UTS2: variants seen among roughly 807,000 people sequenced by gnomAD.
UTS2 encodes the protein urotensin-2.
In UTS2, 10 loss-of-function variants were observed where a neutral mutation model predicts 12.6. The ratio of observed to expected loss-of-function variants is 0.80; its 90% CI spans 0.49 to 1.35. The LOEUF is 1.35. Among genes scored for constraint, UTS2 ranks in the 40% most tolerant of loss-of-function variants. UTS2 has a pLI of 0.00. For missense variants in UTS2, 142 were observed against 143.2 expected, an observed-to-expected ratio of 0.99 and a Z score of 0.04; for synonymous variants, 52 against 50.0, an observed-to-expected ratio of 1.04 and a Z score of -0.17.
chr1:7,860,840 C>T, the UTS2 span, among the ~76,000 whole-genome samples: 2 of 151,878 alleles, frequency 1.3e-5, no homozygotes, highest in Non-Finnish European at 2.9e-5. Flanking sequence ...ATCAGGAGTT[C>T]GAGACCAGCC....
intron 1 of UTS2, among the ~76,000 whole-genome samples, chr1:7,851,742 TA>T (rs1292064077): frequency 6.6e-6 from 1 of 152,180 alleles, no homozygotes; most frequent in East Asian, 1.9e-4. Flanking sequence ...TGAAAATCTA[TA>T]AAATTTCATC....
chr1:7,866,012 T>C, the UTS2 span, among the ~76,000 whole-genome samples: 6 of 152,196 alleles, frequency 3.9e-5, no homozygotes, highest in African/African-American at 1.2e-4. This position sits in a 1 kb window ranked among gnomAD's most constrained non-coding sequence, Gnocchi z 4.5. Flanking sequence ...GGGACAAGTG[T>C]TAGCCCATGA....
the UTS2 span, among the ~76,000 whole-genome samples, chr1:7,866,764 T>C: frequency 5.3e-5 from 8 of 152,164 alleles, no homozygotes; most frequent in Non-Finnish European, 7.4e-5. This position sits in a 1 kb window ranked among gnomAD's most constrained non-coding sequence, Gnocchi z 4.5. Context: ...GGCTGTGACA[T>C]GTCACCCCAT....
the UTS2 span, among the ~76,000 whole-genome samples, chr1:7,864,966 T>C: frequency 1.2e-5 from 1 of 82,772 alleles, no homozygotes; most frequent in Non-Finnish European, 2.8e-5. Context: ...CCCACAGCTG[T>C]CCCTCTGTGT....
the UTS2 span, among the ~76,000 whole-genome samples, chr1:7,884,367 T>C: frequency 3.3e-5 from 5 of 149,722 alleles, no homozygotes; most frequent in African/African-American, 4.9e-5. Flanking sequence ...AGCGGTGTGA[T>C]CATGACTCAC....
At chr1:7,912,211 ATAGT>A in the UTS2 span, among the ~76,000 whole-genome samples, 6 of 136,176 alleles carry the variant, frequency 4.4e-5, no homozygotes, top group South Asian at 2.6e-4. Context: ...AATGGCTAAA[ATAGT>A]TAGCCATTTG....
At chr1:7,902,279 G>C in the UTS2 span, among the ~76,000 whole-genome samples, 1 of 152,150 alleles carries the variant, frequency 6.6e-6, no homozygotes, top group Admixed American at 6.5e-5. Flanking sequence ...TTGTATGGAA[G>C]TTAGAAATTA....
chr1:7,886,043 T>G, the UTS2 span, among the ~76,000 whole-genome samples: 2 of 117,006 alleles, frequency 1.7e-5, no homozygotes, highest in East Asian at 4.1e-4. Context: ...GCACCGCACC[T>G]GTTCCCAGGT....
At chr1:7,868,472 G>A in the UTS2 span, among the ~76,000 whole-genome samples, 29 of 152,326 alleles carry the variant, frequency 1.9e-4, no homozygotes, top group African/African-American at 6.3e-4. Context: ...GTAGCAGGGA[G>A]TGTGGACCTC....
the UTS2 span, among the ~76,000 whole-genome samples, chr1:7,890,305 C>G: frequency 1.3e-5 from 2 of 152,232 alleles, no homozygotes; most frequent in African/African-American, 4.8e-5. Flanking sequence ...ACTTAACTGC[C>G]GTGGGCTAAG....
At chr1:7,890,179 C>T in the UTS2 span, among the ~76,000 whole-genome samples, 52,313 of 151,312 alleles carry the variant, frequency 0.35, 9,479 homozygotes, top group Non-Finnish European at 0.39. Flanking sequence ...AGAGCCCCTC[C>T]TCCCTCCATT....
the UTS2 span, among the ~76,000 whole-genome samples, chr1:7,891,047 G>A: frequency 4.6e-5 from 7 of 150,770 alleles, no homozygotes; most frequent in Non-Finnish European, 1.5e-5. Context: ...CAGCCATGCA[G>A]TGGAATATTA....
At chr1:7,849,182 A>G (rs554758079) in intron 3 of UTS2, among the ~76,000 whole-genome samples, 47 of 152,286 alleles carry the variant, frequency 3.1e-4, no homozygotes, top group African/African-American at 1.1e-3. Flanking sequence ...AAAATTTGGA[A>G]AAATTAATGC....
chr1:7,909,405 C>T, the UTS2 span, among the ~76,000 whole-genome samples: 1 of 151,692 alleles, frequency 6.6e-6, no homozygotes, highest in Non-Finnish European at 1.5e-5. Flanking sequence ...ATTAGCCAGG[C>T]ATGGTAGTGC....
the UTS2 span, among the ~76,000 whole-genome samples, chr1:7,866,107 A>T: frequency 6.6e-6 from 1 of 152,202 alleles, no homozygotes; most frequent in Non-Finnish European, 1.5e-5. This position sits in a 1 kb window ranked among gnomAD's most constrained non-coding sequence, Gnocchi z 4.5. Flanking sequence ...AGGAACCGTC[A>T]TGGTCGACCA....
At chr1:7,883,817 C>T in the UTS2 span, among the ~76,000 whole-genome samples, 1 of 151,902 alleles carries the variant, frequency 6.6e-6, no homozygotes, top group Non-Finnish European at 1.5e-5. Flanking sequence ...CTTAGATGCT[C>T]ATTGACATTT....
the UTS2 span, among the ~76,000 whole-genome samples, chr1:7,897,145 G>A: frequency 9.9e-5 from 15 of 152,104 alleles, no homozygotes; most frequent in Admixed American, 9.8e-4. Context: ...CTAAGAATCT[G>A]TTTACTTTTT....
upstream of UTS2, among the ~76,000 whole-genome samples, chr1:7,857,107 T>TGAAG (rs1157152578): frequency 4.2e-3 from 528 of 125,364 alleles, 12 homozygotes; most frequent in Middle Eastern, 0.025. Context: ...AGAAAAGGAA[T>TGAAG]GAAGGAAGGA....
chr1:7,855,763 G>A (rs1393580143), upstream of UTS2, among the ~76,000 whole-genome samples: 3 of 151,588 alleles, frequency 2.0e-5, no homozygotes, highest in South Asian at 2.1e-4. Context: ...GTTCAGTGGC[G>A]TGATCATGAC....
Sources: gnomAD v4.1 joint callset for allele counts (sites outside exome capture counted in the v4.1 genomes callset) on GRCh38, gnomAD v4.1.1 for gene constraint, Gnocchi (gnomAD v3.1) non-coding constraint, MANE v1.5 for transcripts, NCBI Gene and HGNC (gene_info 2026-07-23, HGNC 2026-07-21) for gene names.